The following CNTN4 variants were observed in gnomAD, a reference collection of about 807,000 sequenced individuals.
CNTN4 encodes contactin 4.
Under a neutral mutation model 122.5 loss-of-function variants are expected in CNTN4, and 77 were observed. The observed-to-expected ratio is 0.63, with a 90% CI of 0.52 to 0.76. CNTN4 has a LOEUF of 0.76. Ranked by LOEUF, CNTN4 falls within the 30% of genes least tolerant of loss-of-function variation. The pLI is 0.00. For synonymous variants in CNTN4, 512 were observed against 447.0 expected (o/e 1.15, Z -1.83); for missense variants, 1,256 against 1,259.1 (o/e 1.00, Z 0.04).
intron 12 of CNTN4, among the ~76,000 whole-genome samples, chr3:2,908,538 G>C (rs1170584899): frequency 6.6e-6 from 1 of 152,142 alleles, no homozygotes; most frequent in Non-Finnish European, 1.5e-5. Flanking sequence ...TCTAGCCTAA[G>C]TCTAATCCAG....
At position 2,187,085 on chromosome 3, in the gene CNTN4, A is replaced by G. The variant is rs188757929; in HGVS notation, c.-145+86446A>G. On this transcript the variant is annotated intron_variant, in intron 2 of 24. Coordinates refer to ENST00000418658, the MANE Select transcript of CNTN4 (RefSeq NM_175607.3). ...GGTCTAACATTTAAGTCTTTAATCC[A>G]TCTTGAATAAATTTTTGTATAAGGT... Among the ~76,000 whole-genome samples, 46 of 152,290 alleles carry G rather than the reference A, an allele frequency of 3.0e-4. No homozygotes were observed. The East Asian group carries it at 7.5e-3, about 25-fold the overall frequency.
At chr3:2,128,219 G>T (rs763288823) in intron 2 of CNTN4, among the ~76,000 whole-genome samples, 1 of 152,088 alleles carries the variant, frequency 6.6e-6, no homozygotes, top group Non-Finnish European at 1.5e-5. Flanking sequence ...CCTGCTGATT[G>T]CAACCCTGAG....
chr3:2,688,094 A>G (rs752396061), intron 4 of CNTN4, among the ~76,000 whole-genome samples: 1 of 152,222 alleles, frequency 6.6e-6, no homozygotes, highest in Non-Finnish European at 1.5e-5. Context: ...TAAAAAATAA[A>G]AATCTGTAAC....
At chr3:2,179,171 T>C (rs1335735859) in intron 2 of CNTN4, among the ~76,000 whole-genome samples, 1 of 152,088 alleles carries the variant, frequency 6.6e-6, no homozygotes, top group Non-Finnish European at 1.5e-5. Context: ...GGTGTGGTAA[T>C]TATGTTGAGA....
intron 3 of CNTN4, among the ~76,000 whole-genome samples, chr3:2,481,006 ATTCT>A (rs34152000): frequency 2.1e-4 from 26 of 123,978 alleles, no homozygotes; most frequent in South Asian, 5.9e-4. Context: ...AGTTTTTTTA[ATTCT>A]TTCTTTCTTT....
rs1265484766 is a variant in CNTN4, at chr3:2,900,961, T to A, written c.1077+140T>A. On this transcript the variant is annotated intron_variant, in intron 11 of 24. Coordinates refer to ENST00000418658, the MANE Select transcript of CNTN4 (RefSeq NM_175607.3). Reference sequence around the variant, plus strand: ...AGCATTATGGTGGAAAAAGTGAGAGTGAATGCAATTGATAAATAGAAAGTG... The same window carrying A: ...AGCATTATGGTGGAAAAAGTGAGAGAGAATGCAATTGATAAATAGAAAGTG... 17 of 1,063,682 alleles carry A rather than the reference T, an allele frequency of 1.6e-5. No homozygotes were observed. In the East Asian group the frequency reaches 4.1e-4, roughly 26 times the overall value. 65.9% of individuals were successfully genotyped at this position (1,063,682 alleles called of 1,614,324 possible).
At position 2,677,113 on chromosome 3, in the gene CNTN4, T is replaced by C. The variant is rs908871686; in HGVS notation, c.56-59102T>C. 4.6e-5 allele frequency among the ~76,000 whole-genome samples: 7 copies of C among 150,612 alleles called. No homozygotes were observed. In the Admixed American group the frequency reaches 4.7e-4, roughly 10 times the overall value. ...TCTATTCTCTCTCTCTATAGATAGA[T>C]AGATAGATCACTCTTTTAGATAGAT... On this transcript the variant is annotated intron_variant, in intron 4 of 24. Transcript: ENST00000418658.
At position 2,269,982 on chromosome 3, in the gene CNTN4, G is replaced by A. The variant is rs1479727922; in HGVS notation, c.-144-69196G>A. Reference sequence around the variant, plus strand: ...TTTTGAGACGGAGTCTCGCTCTGTCGCCCAGGCCGGACTGCGGACTGCAGT... The same window carrying A: ...TTTTGAGACGGAGTCTCGCTCTGTCACCCAGGCCGGACTGCGGACTGCAGT... On this transcript the variant is annotated intron_variant, in intron 2 of 24. Coordinates refer to ENST00000418658, the MANE Select transcript of CNTN4 (RefSeq NM_175607.3). 2.0e-5 allele frequency among the ~76,000 whole-genome samples: 2 copies of A among 101,790 alleles called. 1 individual carries two copies. The highest frequency in any genetic ancestry group is 6.1e-5 in the African/African-American group (2 of 32,938). The allele number at this position is 101,790 out of a possible 152,430, so 66.8% of individuals were successfully genotyped here.
intron 2 of CNTN4, among the ~76,000 whole-genome samples, chr3:2,116,103 C>T (rs1421057025): frequency 6.6e-6 from 1 of 152,146 alleles, no homozygotes; most frequent in Non-Finnish European, 1.5e-5. Context: ...TCTTCAAATC[C>T]TCTTTCATAC....
chr3:2,378,495 G>C (rs2045905172), intron 3 of CNTN4, among the ~76,000 whole-genome samples: 1 of 152,126 alleles, frequency 6.6e-6, no homozygotes, highest in Non-Finnish European at 1.5e-5. Context: ...GGAGAAAGTG[G>C]ACCTTAATGG....
chr3:2,664,375 G>C (rs951394381), intron 4 of CNTN4, among the ~76,000 whole-genome samples: 2 of 151,994 alleles, frequency 1.3e-5, no homozygotes, highest in East Asian at 1.9e-4. Context: ...TTTATTTGCA[G>C]ATGGTCACAT....
chr3:2,834,861 A>T (rs2093182536), intron 7 of CNTN4, among the ~76,000 whole-genome samples: 1 of 147,294 alleles, frequency 6.8e-6, no homozygotes, highest in Admixed American at 6.8e-5. Context: ...ACCAAGCATT[A>T]TTCAAATACA....
chr3:2,560,754 C>T (rs1039969225), intron 3 of CNTN4, among the ~76,000 whole-genome samples: 2 of 152,088 alleles, frequency 1.3e-5, no homozygotes, highest in African/African-American at 4.8e-5. Context: ...TATTATCTTC[C>T]CCCAGTAGAG....
intron 3 of CNTN4, among the ~76,000 whole-genome samples, chr3:2,502,391 C>T (rs1438993912): frequency 6.6e-6 from 1 of 152,098 alleles, no homozygotes; most frequent in Non-Finnish European, 1.5e-5. Context: ...TATTCAAATT[C>T]ACTTGCAGCC....
intron 3 of CNTN4, among the ~76,000 whole-genome samples, chr3:2,464,036 G>A (rs113197971): frequency 0.017 from 2,649 of 152,088 alleles, 70 homozygotes; most frequent in African/African-American, 0.058. Context: ...ACCCCTAACC[G>A]TAGGCAGTAA....
Position 3,026,112 on chromosome 3 carries a change from G to A in CNTN4, c.1497G>A (p.Arg499=). ...TGNLVVKDPT[R]VMVPPSSMDV... ...GTTTTAACTCTCCAGATCCAACAAGGGTAATGGTACCCCCTTCCAGTATGG... is the reference window on the plus strand; with the variant it reads ...GTTTTAACTCTCCAGATCCAACAAGAGTAATGGTACCCCCTTCCAGTATGG... Residue 499 remains arginine, a synonymous_variant, in exon 15 of 25, where the codon AGG becomes AGA. Coordinates refer to ENST00000418658, the MANE Select transcript of CNTN4 (RefSeq NM_175607.3). The A allele has an allele frequency of 6.2e-7, 1 of 1,613,124 alleles. No homozygotes were observed. The highest frequency in any genetic ancestry group is 2.2e-5 in the East Asian group (1 of 44,862).
At chr3:2,651,383 T>C (rs2083351499) in intron 4 of CNTN4, among the ~76,000 whole-genome samples, 1 of 152,172 alleles carries the variant, frequency 6.6e-6, no homozygotes, top group South Asian at 2.1e-4. Flanking sequence ...AAAAATAGTG[T>C]CAGTTCACCA....
At chr3:2,428,348 T>C (rs1432541586) in intron 3 of CNTN4, among the ~76,000 whole-genome samples, 1 of 152,188 alleles carries the variant, frequency 6.6e-6, no homozygotes, top group African/African-American at 2.4e-5. Context: ...TTTGGCTGGA[T>C]ATGAAATTCT....
intron 3 of CNTN4, among the ~76,000 whole-genome samples, chr3:2,400,406 T>TATATATATATATATATATATATATAC: frequency 5.5e-5 from 3 of 55,024 alleles, no homozygotes; most frequent in Non-Finnish European, 1.3e-4. Flanking sequence ...TGTGTGTGAA[T>TATATATATATATATATATATATATAC]ATATATATAT....
Sources: gnomAD v4.1 joint callset for allele counts (sites outside exome capture counted in the v4.1 genomes callset) on GRCh38, gnomAD v4.1.1 for gene constraint, MANE v1.5 for transcripts, NCBI Gene and HGNC (gene_info 2026-07-23, HGNC 2026-07-21) for gene names.